Variants in MLLT3 observed in about 807,000 individuals in gnomAD.
MLLT3 encodes the protein protein AF-9.
Under a neutral mutation model 53.2 loss-of-function variants are expected in MLLT3, and 4 were observed. The ratio of observed to expected loss-of-function variants is 0.08; its 90% CI spans 0.04 to 0.17. The LOEUF (loss-of-function observed/expected upper bound fraction) is 0.17. Ranked by LOEUF, MLLT3 falls within the 10% of genes least tolerant of loss-of-function variation. The pLI is 1.00. For missense variants in MLLT3, 569 were observed against 684.0 expected, an observed-to-expected ratio of 0.83 and a Z score of 1.87; for synonymous variants, 283 against 230.6, an observed-to-expected ratio of 1.23 and a Z score of -2.06.
intron 2 of MLLT3, among the ~76,000 whole-genome samples, chr9:20,525,920 C>T (rs1412595391): frequency 5.3e-5 from 8 of 152,252 alleles, no homozygotes; most frequent in South Asian, 2.1e-4. Context: ...AACATTTGTA[C>T]TGAGACCAAA....
intron 2 of MLLT3, among the ~76,000 whole-genome samples, chr9:20,614,044 A>G (rs1302868420): frequency 1.3e-5 from 2 of 152,240 alleles, no homozygotes; most frequent in Admixed American, 6.5e-5. Flanking sequence ...AACAATTTTA[A>G]AAGATGATAT....
intron 4 of MLLT3, among the ~76,000 whole-genome samples, chr9:20,435,634 T>C (rs965995280): frequency 2.0e-5 from 3 of 152,134 alleles, no homozygotes; most frequent in East Asian, 1.9e-4. Context: ...CTCCGAGCTA[T>C]GTAGGCAGAA....
Position 20,376,273 on chromosome 9 carries a change from A to G in MLLT3, c.1126-10529T>C, listed in dbSNP as rs138017548. ...GATGCTCTCCATTTGTATTACGACAACTTGAATGAATTTGATGTTAGATTA... is the reference window on the plus strand; with the variant it reads ...GATGCTCTCCATTTGTATTACGACAGCTTGAATGAATTTGATGTTAGATTA... On this transcript the variant is annotated intron_variant, in intron 5 of 10. Transcript: ENST00000380338. Among the ~76,000 whole-genome samples the G allele has an allele frequency of 3.0e-3, 462 of 152,278 alleles. 2 individuals are homozygous for G. The highest frequency in any genetic ancestry group is 0.011 in the African/African-American group (440 of 41,554).
At chr9:20,595,058 T>A (rs919849718) in intron 2 of MLLT3, among the ~76,000 whole-genome samples, 14 of 152,122 alleles carry the variant, frequency 9.2e-5, no homozygotes, top group African/African-American at 2.7e-4. Flanking sequence ...AAAAAAAAAA[T>A]TACTGGGCAT....
chr9:20,474,546 C>T (rs1198645170), intron 2 of MLLT3, among the ~76,000 whole-genome samples: 3 of 152,090 alleles, frequency 2.0e-5, no homozygotes, highest in Non-Finnish European at 1.5e-5. Flanking sequence ...CACCAAAAGA[C>T]TCTGCCTTCA....
chr9:20,565,937 T>TA (rs1491135963), intron 2 of MLLT3, among the ~76,000 whole-genome samples: 11 of 10,194 alleles, frequency 1.1e-3, no homozygotes, highest in African/African-American at 4.1e-3. Context: ...TATATATATA[T>TA]TTATATATAT....
At chr9:20,391,034 A>T (rs900050738) in intron 5 of MLLT3, among the ~76,000 whole-genome samples, 5 of 152,190 alleles carry the variant, frequency 3.3e-5, no homozygotes, top group Non-Finnish European at 5.9e-5. Context: ...CATACAGCTC[A>T]ATTAATTTTA....
chr9:20,620,580 C>T lies in MLLT3; in HGVS notation c.193+74G>A. 1.4e-6 allele frequency: 2 copies of T among 1,447,306 alleles called. No individual in the cohort carries two copies. Among genetic ancestry groups the T allele is most frequent in the East Asian group, 2.5e-5 (1 of 40,438 alleles). 89.7% of individuals were successfully genotyped at this position (1,447,306 alleles called of 1,614,324 possible). ...GCGGCGCGGGGGGCGGGGAGCGGGA[C>T]AGCGGGACCGCCCGGGCCAAGCGAT... is the stretch of plus-strand genomic sequence containing the variant. On this transcript the variant is annotated intron_variant, in intron 2 of 10. Coordinates refer to ENST00000380338, the MANE Select transcript of MLLT3 (RefSeq NM_004529.4). This position sits in a 1 kb window ranked among gnomAD's most constrained non-coding sequence, Gnocchi z 6.1.
rs372097367 is a variant in MLLT3, at chr9:20,614,571, T to C, written c.193+6083A>G. 8.5e-5 allele frequency among the ~76,000 whole-genome samples: 13 copies of C among 152,302 alleles called. No individual in the cohort carries two copies. The East Asian group carries it at 2.3e-3, about 27-fold the overall frequency. ...ATGTCTAACAAATATTAACTATAGT[T>C]ATATATGAAAATTTCAGATAACTCG... On this transcript the variant is annotated intron_variant, in intron 2 of 10. Transcript: ENST00000380338.
chr9:20,393,597 GA>G (rs1822245361), intron 5 of MLLT3, among the ~76,000 whole-genome samples: 1 of 152,192 alleles, frequency 6.6e-6, no homozygotes. Flanking sequence ...TACATGCTAT[GA>G]AAAGGTCAGT....
chr9:20,501,078 T>A (rs942698366), intron 2 of MLLT3, among the ~76,000 whole-genome samples: 30 of 152,214 alleles, frequency 2.0e-4, no homozygotes, highest in Admixed American at 3.3e-4. Flanking sequence ...GATTTTTGGA[T>A]AATTTACCAA....
intron 2 of MLLT3, among the ~76,000 whole-genome samples, chr9:20,465,269 T>G (rs1310013891): frequency 2.0e-5 from 3 of 152,144 alleles, no homozygotes; most frequent in Non-Finnish European, 2.9e-5. Context: ...TTCAAATTAT[T>G]AATATACAGT....
At chr9:20,392,226 T>G (rs1822202603) in intron 5 of MLLT3, among the ~76,000 whole-genome samples, 1 of 152,198 alleles carries the variant, frequency 6.6e-6, no homozygotes, top group African/African-American at 2.4e-5. Context: ...CCAATCTCAC[T>G]TCCTCAAACC....
intron 2 of MLLT3, among the ~76,000 whole-genome samples, chr9:20,498,941 T>A: frequency 6.6e-6 from 1 of 152,196 alleles, no homozygotes; most frequent in Non-Finnish European, 1.5e-5. Context: ...ATAGGGTGGC[T>A]TGAAACAACA....
At chr9:20,576,367 G>A (rs1335995115) in intron 2 of MLLT3, among the ~76,000 whole-genome samples, 1 of 152,112 alleles carries the variant, frequency 6.6e-6, no homozygotes, top group Non-Finnish European at 1.5e-5. Flanking sequence ...TTTCCTTCAA[G>A]AACTTTTCCT....
intron 2 of MLLT3, among the ~76,000 whole-genome samples, chr9:20,558,655 C>G (rs558412089): frequency 6.6e-6 from 1 of 152,172 alleles, no homozygotes; most frequent in Non-Finnish European, 1.5e-5. Flanking sequence ...CTGACTCAGT[C>G]TGGGGTAGAG....
chr9:20,376,762 T>C (rs1821775519), intron 5 of MLLT3, among the ~76,000 whole-genome samples: 1 of 152,160 alleles, frequency 6.6e-6, no homozygotes, highest in Admixed American at 6.5e-5. Flanking sequence ...ATTTGTACTT[T>C]AAAGGCTGCT....
chr9:20,612,270 G>A (rs574785742), intron 2 of MLLT3, among the ~76,000 whole-genome samples: 16 of 152,180 alleles, frequency 1.1e-4, no homozygotes, highest in African/African-American at 3.9e-4. Flanking sequence ...AAGGGTAATC[G>A]AAGATGAAGA....
chr9:20,489,742 A>G (rs1824900195), intron 2 of MLLT3, among the ~76,000 whole-genome samples: 2 of 152,214 alleles, frequency 1.3e-5, no homozygotes, highest in South Asian at 4.1e-4. Flanking sequence ...AATGACAGTA[A>G]GTCTGTCGTA....
Sources: gnomAD v4.1 joint callset for allele counts (sites outside exome capture counted in the v4.1 genomes callset) on GRCh38, gnomAD v4.1.1 for gene constraint, Gnocchi (gnomAD v3.1) non-coding constraint, MANE v1.5 for transcripts, NCBI Gene and HGNC (gene_info 2026-07-23, HGNC 2026-07-21) for gene names.